Variants in MYOT observed in about 807,000 individuals in gnomAD.
The protein encoded by MYOT is myotilin.
In MYOT, 36 loss-of-function variants were observed where a neutral mutation model predicts 58.0. That is an observed-to-expected ratio of 0.62 (90% CI 0.48 to 0.82). MYOT has a LOEUF of 0.82. Ranked by LOEUF, MYOT falls within the 40% of genes least tolerant of loss-of-function variation. MYOT has a pLI of 0.00. For synonymous variants in MYOT, 218 were observed against 204.6 expected (o/e 1.07, Z -0.56); for missense variants, 505 against 592.1 (o/e 0.85, Z 1.53).
intron 2 of MYOT, among the ~76,000 whole-genome samples, chr5:137,871,272 A>T (rs1755042800): frequency 6.6e-6 from 1 of 152,174 alleles, no homozygotes; most frequent in Non-Finnish European, 1.5e-5. Context: ...ATTATTTTCC[A>T]TCTTTGAAAA....
chr5:137,871,936 T>C (rs554754958), intron 2 of MYOT, among the ~76,000 whole-genome samples: 9 of 152,236 alleles, frequency 5.9e-5, no homozygotes, highest in Non-Finnish European at 1.0e-4. Flanking sequence ...GGCTTACTAA[T>C]ACATTCACTC....
At chr5:137,883,881 T>C (rs911599236) in intron 7 of MYOT, among the ~76,000 whole-genome samples, 3 of 152,138 alleles carry the variant, frequency 2.0e-5, no homozygotes, top group African/African-American at 7.2e-5. Context: ...ACAAACCAAA[T>C]AATGAAGCAT....
chr5:137,886,785 T>C, intron 8 of MYOT, 79 bp from the exon 9 acceptor site: 2 of 1,034,568 alleles, frequency 1.9e-6, no homozygotes, highest in South Asian at 1.3e-5. Context: ...TTTTTCTTCC[T>C]AGTCTGACTG....
chr5:137,884,885 C>T (rs1259068822), intron 7 of MYOT, among the ~76,000 whole-genome samples: 1 of 152,106 alleles, frequency 6.6e-6, no homozygotes, highest in Admixed American at 6.5e-5. Context: ...AAAGGATAAA[C>T]TATTTTCTTG....
chr5:137,886,238 C>CTA (rs1375179718), intron 8 of MYOT, 25 bp downstream of exon 8: 8 of 1,565,920 alleles, frequency 5.1e-6, no homozygotes, highest in Admixed American at 1.7e-5. Context: ...TCTAGACTTA[C>CTA]TATAGTTTAT....
intron 4 of MYOT, chr5:137,880,486 C>G (rs533247663): frequency 3.5e-6 from 1 of 285,228 alleles, no homozygotes; most frequent in South Asian, 4.0e-5. Context: ...AATCTGTACT[C>G]TGTGCTCCCA....
intron 7 of MYOT, 95 bp downstream of exon 7, chr5:137,883,686 T>G (rs1755509972): frequency 1.7e-6 from 2 of 1,169,310 alleles, no homozygotes; most frequent in South Asian, 2.6e-5. Flanking sequence ...AGACTTCATA[T>G]TTAAGGTTAA....
chr5:137,882,774 T>C (rs1755478291), intron 6 of MYOT: 1 of 155,776 alleles, frequency 6.4e-6, no homozygotes, highest in Non-Finnish European at 1.4e-5. Context: ...CCTAAAAGAG[T>C]CCCTCAGACT....
chr5:137,879,109 T>C (rs1755330091), intron 4 of MYOT, among the ~76,000 whole-genome samples: 1 of 152,126 alleles, frequency 6.6e-6, no homozygotes, highest in Non-Finnish European at 1.5e-5. Context: ...AGTTTTTGTA[T>C]TTTTTAGCAG....
rs189467829 is a variant in MYOT, at chr5:137,884,444, A to G, written c.1024+853A>G. On this transcript the variant is annotated intron_variant, in intron 7 of 9. Coordinates refer to ENST00000239926, the MANE Select transcript of MYOT (RefSeq NM_006790.3). ...AGGAAACTAATGTCTAATTATAACC[A>G]AAACAGGCCTACTTGCTTTAGAAAA... Among the ~76,000 whole-genome samples, 414 of 152,356 alleles carry G rather than the reference A, an allele frequency of 2.7e-3. 13 individuals are homozygous for G. The highest frequency in any genetic ancestry group is 0.025 in the Admixed American group (377 of 15,298).
intron 8 of MYOT, chr5:137,886,579 G>C (rs1055684934): frequency 2.3e-5 from 9 of 385,960 alleles, no homozygotes; most frequent in Non-Finnish European, 4.3e-5. Flanking sequence ...ACAGATAACG[G>C]AACAGGTCAG....
At chr5:137,884,813 A>G (rs1319711846) in intron 7 of MYOT, among the ~76,000 whole-genome samples, 6 of 152,240 alleles carry the variant, frequency 3.9e-5, no homozygotes, top group Non-Finnish European at 8.8e-5. Flanking sequence ...AAGCCATTGT[A>G]TATTGCATAA....
chr5:137,878,442 G>A (rs978320932), intron 4 of MYOT, among the ~76,000 whole-genome samples: 3 of 151,370 alleles, frequency 2.0e-5, no homozygotes, highest in African/African-American at 2.4e-5. Context: ...GGAACGCCTC[G>A]GCCTCCAAAA....
intron 3 of MYOT, among the ~76,000 whole-genome samples, chr5:137,876,922 C>T (rs1328285201): frequency 6.6e-6 from 1 of 152,018 alleles, no homozygotes; most frequent in East Asian, 1.9e-4. Flanking sequence ...GGTTGAATTT[C>T]CCTTTACTTA....
chr5:137,882,934 C>T (rs1465152836), intron 6 of MYOT: 1 of 168,108 alleles, frequency 5.9e-6, no homozygotes, highest in African/African-American at 2.4e-5. Flanking sequence ...AAACACTTAA[C>T]AAATTGCCAT....
rs764266921 is a variant in MYOT at position 137,887,362 on chromosome 5, C to T, written c.1474C>T (p.Leu492Phe). 6 of 1,613,818 alleles carry T rather than the reference C, an allele frequency of 3.7e-6. No individual in the cohort carries two copies. The highest frequency in any genetic ancestry group is 4.5e-5 in the East Asian group (2 of 44,872). The change falls in exon 10 of 10, where the codon CTC becomes TTC. Residue 492 changes from leucine (L) to phenylalanine (F), a missense_variant. Coordinates refer to ENST00000239926, the MANE Select transcript of MYOT (RefSeq NM_006790.3). ...EFQRLAAQSG[L>F]YESEEL ...TCAGCGTTTGGCAGCTCAATCTGGA[C>T]TCTATGAAAGTGAAGAACTTTAATA...
At chr5:137,886,705 G>A (rs1755612595) in intron 8 of MYOT, 159 bp from the exon 9 acceptor site, 2 of 664,642 alleles carry the variant, frequency 3.0e-6, no homozygotes, top group African/African-American at 1.8e-5. Context: ...CCCAAGGGGG[G>A]ATGTTTAATT....
chr5:137,875,645 T>C (rs1755187433), intron 2 of MYOT, among the ~76,000 whole-genome samples, 184 bp from the exon 3 acceptor site: 1 of 152,062 alleles, frequency 6.6e-6, no homozygotes, highest in Non-Finnish European at 1.5e-5. Flanking sequence ...TTAATTTCCA[T>C]TTGCCAAAAG....
At chr5:137,870,261 G>T (rs1304128908) in intron 1 of MYOT, among the ~76,000 whole-genome samples, 180 bp from the exon 2 acceptor site, 1 of 145,776 alleles carries the variant, frequency 6.9e-6, no homozygotes, top group East Asian at 2.1e-4. Context: ...GCTACAGTGA[G>T]CTATGTTCGC....
Sources: allele counts gnomAD v4.1 joint callset (sites outside exome capture counted in the v4.1 genomes callset), GRCh38; gene constraint gnomAD v4.1.1; transcripts MANE v1.5; gene names NCBI Gene and HGNC (gene_info 2026-07-23, HGNC 2026-07-21).